The following EFCAB3 variants were observed in gnomAD, a reference collection of about 807,000 sequenced individuals.
EFCAB3 encodes the protein EF-hand calcium binding domain 3.
Under a neutral mutation model 42.2 loss-of-function variants are expected in EFCAB3, and 36 were observed. The ratio of observed to expected loss-of-function variants is 0.85; its 90% CI spans 0.65 to 1.13. EFCAB3 has a LOEUF of 1.13. Among genes scored for constraint, EFCAB3 ranks in the 50% most tolerant of loss-of-function variants. The pLI is 0.00. For synonymous variants in EFCAB3, 170 were observed against 172.8 expected (o/e 0.98, Z 0.13); for missense variants, 418 against 505.1 (o/e 0.83, Z 1.65).
chr17:62,378,758 G>T (rs1314314770), upstream of EFCAB3, among the ~76,000 whole-genome samples: 1 of 138,636 alleles, frequency 7.2e-6, no homozygotes, highest in African/African-American at 2.7e-5. Context: ...ACACACCAGG[G>T]CCTGTTGGGG....
intron 2 of EFCAB3, among the ~76,000 whole-genome samples, chr17:62,386,479 A>AGTT (rs2070252713): frequency 6.6e-6 from 1 of 151,816 alleles, no homozygotes; most frequent in Non-Finnish European, 1.5e-5. Flanking sequence ...AAAAAAAAAA[A>AGTT]GTTGTAAAAT....
chr17:62,398,364 G>A (rs1407882648), intron 6 of EFCAB3, among the ~76,000 whole-genome samples: 2 of 151,678 alleles, frequency 1.3e-5, no homozygotes, highest in Non-Finnish European at 2.9e-5. Flanking sequence ...CAAGGCACAA[G>A]AATGGCTTGA....
intron 5 of EFCAB3, among the ~76,000 whole-genome samples, chr17:62,394,607 T>C (rs1455384433): frequency 6.6e-6 from 1 of 152,236 alleles, no homozygotes; most frequent in East Asian, 1.9e-4. Context: ...TTTAACAGGC[T>C]GCCTTGGAAA....
intron 2 of EFCAB3, among the ~76,000 whole-genome samples, chr17:62,384,499 C>T (rs1037072007): frequency 6.6e-6 from 1 of 152,086 alleles, no homozygotes; most frequent in Non-Finnish European, 1.5e-5. Flanking sequence ...CTTGTAGTCC[C>T]AGCTACTCAA....
At chr17:62,377,042 TAGAG>T (rs111680352), upstream of EFCAB3, among the ~76,000 whole-genome samples, 3 of 149,172 alleles carry the variant, frequency 2.0e-5, no homozygotes, top group African/African-American at 4.9e-5. Context: ...AGCCAAGCAA[TAGAG>T]AGAGAGAGAG....
intron 1 of EFCAB3, among the ~76,000 whole-genome samples, chr17:62,370,534 T>C (rs2070107497): frequency 6.6e-6 from 1 of 151,928 alleles, no homozygotes; most frequent in Admixed American, 6.6e-5. Context: ...TGGGCACCTG[T>C]AATCCCAGCT....
intron 8 of EFCAB3, among the ~76,000 whole-genome samples, chr17:62,411,754 C>A (rs906014550): frequency 3.7e-5 from 5 of 134,814 alleles, no homozygotes; most frequent in African/African-American, 1.4e-4. Flanking sequence ...GGCCACCAAG[C>A]AACACTCTGT....
chr17:62,399,362 T>A (rs993477069), intron 6 of EFCAB3, among the ~76,000 whole-genome samples: 6 of 151,960 alleles, frequency 3.9e-5, no homozygotes, highest in Admixed American at 3.3e-4. Flanking sequence ...GAGATAGGTA[T>A]TCACTATGAT....
intron 8 of EFCAB3, among the ~76,000 whole-genome samples, chr17:62,408,725 G>A (rs2070469119): frequency 6.6e-6 from 1 of 152,138 alleles, no homozygotes; most frequent in African/African-American, 2.4e-5. Context: ...CACTGATCTA[G>A]GCTCTCATTG....
rs1012557718 is a variant in EFCAB3 at position 62,396,495 on chromosome 17, A to G, written c.488+1307A>G. Among the ~76,000 whole-genome samples the G allele has an allele frequency of 3.9e-5, 6 of 152,062 alleles. No individual in the cohort carries two copies. In the East Asian group the frequency reaches 1.2e-3, roughly 29 times the overall value. On this transcript the variant is annotated intron_variant, in intron 6 of 9. Coordinates refer to ENST00000305286, the MANE Select transcript of EFCAB3 (RefSeq NM_173503.4). ...TTGAACCTGGGATGCGGAGGGTTGC[A>G]GTGAGCCGAGATCACTCCATTGCAC...
rs2070520519 is a variant in EFCAB3, at chr17:62,413,783, T to C, written c.919T>C (p.Phe307Leu). ...TGCCTCAGGTTATTCAAATAACATC[T>C]TCACCATTGATCAAATGCTCAAGAA... ...DPASGYSNNI[F>L]TIDQMLKKKQ... The change falls in exon 9 of 10, where the codon TTC becomes CTC. Residue 307 changes from phenylalanine to leucine, a missense_variant. Physicochemically the swap from Phe to Leu is conservative, Grantham distance 22. Coordinates refer to ENST00000305286, the MANE Select transcript of EFCAB3 (RefSeq NM_173503.4). 1 of 1,613,848 alleles carries C rather than the reference T, an allele frequency of 6.2e-7. No homozygotes were observed. The highest frequency in any genetic ancestry group is 8.5e-7 in the Non-Finnish European group (1 of 1,179,816).
intron 6 of EFCAB3, chr17:62,398,193 T>C: frequency 5.3e-6 from 1 of 188,430 alleles, no homozygotes; most frequent in Admixed American, 5.8e-5. Context: ...ATGGCTCACG[T>C]CTGTAATTCC....
intron 3 of EFCAB3, among the ~76,000 whole-genome samples, chr17:62,389,291 G>T (rs541891901): frequency 6.6e-6 from 1 of 152,328 alleles, no homozygotes; most frequent in African/African-American, 2.4e-5. Context: ...AAGGCAGGTG[G>T]TTGAGGATAT....
chr17:62,410,294 G>C (rs548516136), intron 8 of EFCAB3, among the ~76,000 whole-genome samples: 1 of 152,304 alleles, frequency 6.6e-6, no homozygotes, highest in East Asian at 1.9e-4. Context: ...GGCTGAGGTG[G>C]CTGGATCACT....
intron 6 of EFCAB3, among the ~76,000 whole-genome samples, chr17:62,402,502 G>A (rs1444735753): frequency 3.3e-5 from 5 of 152,132 alleles, no homozygotes; most frequent in East Asian, 1.9e-4. Context: ...AGCATGAAGC[G>A]CTGTTGAATT....
chr17:62,398,722 CAT>C (rs922219770), intron 6 of EFCAB3, among the ~76,000 whole-genome samples: 1,720 of 151,174 alleles, frequency 0.011, 14 homozygotes, highest in African/African-American at 0.019. Context: ...CACACACACA[CAT>C]ATATATATGT....
chr17:62,395,506 T>A (rs1215106898), intron 6 of EFCAB3, among the ~76,000 whole-genome samples: 1 of 152,162 alleles, frequency 6.6e-6, no homozygotes, highest in Admixed American at 6.5e-5. Flanking sequence ...TTTCCAGGAA[T>A]AATTTTGGGT....
chr17:62,391,182 C>T (rs994292366), intron 3 of EFCAB3, among the ~76,000 whole-genome samples: 1 of 152,096 alleles, frequency 6.6e-6, no homozygotes, highest in Non-Finnish European at 1.5e-5. Flanking sequence ...AGGTGTTGGC[C>T]AGCCTGTCCT....
At chr17:62,394,920 C>T in intron 5 of EFCAB3, 148 bp from the exon 6 acceptor site, 1 of 1,038,184 alleles carries the variant, frequency 9.6e-7, no homozygotes, top group Non-Finnish European at 1.3e-6. Context: ...CCAAAATGGC[C>T]TTTCTACCAA....
Sources: allele counts gnomAD v4.1 joint callset (sites outside exome capture counted in the v4.1 genomes callset), GRCh38; gene constraint gnomAD v4.1.1; transcripts MANE v1.5; gene names NCBI Gene and HGNC (gene_info 2026-07-23, HGNC 2026-07-21).